Variants in GCKR observed in about 807,000 individuals in gnomAD.
GCKR encodes glucokinase regulator.
A neutral mutation model predicts 82.9 loss-of-function variants in GCKR; 73 were observed. The observed-to-expected ratio is 0.88, with a 90% CI of 0.73 to 1.07. GCKR has a LOEUF of 1.07. Among genes scored for constraint, GCKR ranks in the 50% least tolerant of loss-of-function variants. The pLI is 0.00. For missense variants in GCKR, 784 were observed against 782.1 expected, an observed-to-expected ratio of 1.00 and a Z score of -0.03; for synonymous variants, 294 against 291.8, an observed-to-expected ratio of 1.01 and a Z score of -0.08.
At chr2:27,514,867 C>T (rs1669967948) in intron 16 of GCKR, among the ~76,000 whole-genome samples, 2 of 152,206 alleles carry the variant, frequency 1.3e-5, no homozygotes, top group South Asian at 4.1e-4. Flanking sequence ...GAATGCTGCT[C>T]TCCTACAGCC....
At chr2:27,508,661 C>T (rs573415093) in intron 16 of GCKR, among the ~76,000 whole-genome samples, 15 of 152,214 alleles carry the variant, frequency 9.9e-5, no homozygotes, top group Middle Eastern at 3.4e-3. Flanking sequence ...TACAGGTGTG[C>T]ACCACCATGC....
At chr2:27,510,087 C>A (rs912945621) in intron 16 of GCKR, among the ~76,000 whole-genome samples, 2 of 151,940 alleles carry the variant, frequency 1.3e-5, no homozygotes, top group African/African-American at 4.8e-5. Flanking sequence ...CCGCTCACTG[C>A]AAGCTCTGTC....
chr2:27,499,475 G>A (rs1199530943), intron 7 of GCKR, 25 bp downstream of exon 7: 1 of 1,503,340 alleles, frequency 6.7e-7, no homozygotes, highest in Non-Finnish European at 9.3e-7. Context: ...GGGTTGAGTG[G>A]ATCAATTTTA....
intron 16 of GCKR, among the ~76,000 whole-genome samples, chr2:27,509,101 C>G (rs1456148076): frequency 6.6e-6 from 1 of 152,150 alleles, no homozygotes; most frequent in Admixed American, 6.5e-5. Flanking sequence ...AATTTTACAT[C>G]TCTGGTTCTC....
intron 17 of GCKR, among the ~76,000 whole-genome samples, chr2:27,521,704 A>G (rs1430024346): frequency 1.4e-4 from 21 of 151,250 alleles, no homozygotes; most frequent in Non-Finnish European, 1.8e-4. Flanking sequence ...TGTGGTTTGC[A>G]TTATATTTTT....
rs770841756 is a variant in GCKR at position 27,522,579 on chromosome 2, A to C, written c.1692A>C (p.Ala564=). ...CCATCTCCTGCCATGTCCAGGTTGC[A>C]CATGAGAAGGAACAGGTATCCTGCC... ...AAPISCHVQV[A]HEKEQVIPIA... is the part of the protein sequence containing the mutation. The change falls in exon 18 of 19, where the codon GCA becomes GCC. Residue 564 remains alanine, a synonymous_variant. Coordinates refer to ENST00000264717, the MANE Select transcript of GCKR (RefSeq NM_001486.4). The C allele has an allele frequency of 6.2e-7, 1 of 1,613,954 alleles. No homozygotes were observed. Among genetic ancestry groups the C allele is most frequent in the African/African-American group, 1.3e-5 (1 of 75,056 alleles).
chr2:27,497,455 C>T (rs1034468331), intron 2 of GCKR, 56 bp downstream of exon 2: 3 of 1,597,078 alleles, frequency 1.9e-6, no homozygotes, highest in Admixed American at 3.3e-5. Flanking sequence ...CCCAACCCCA[C>T]CTCTGCTCTC....
rs753280177 is a variant in GCKR at position 27,496,942 on chromosome 2, C to A, written c.38C>A (p.Thr13Asn). ...AAACGGTTTCAACATGTCATTGAGA[C>A]CCCGGAGCCTGGCAAGTGGGAGGTG... is the stretch of plus-strand genomic sequence containing the variant. Reference protein sequence around the residue: ...GTKRFQHVIETPEPGKWELSG... With the variant: ...GTKRFQHVIENPEPGKWELSG... The change falls in exon 1 of 19, where the codon ACC becomes AAC. Residue 13 changes from threonine to asparagine, a missense_variant. Physicochemically the swap from Thr to Asn is moderately conservative, Grantham distance 65. Transcript: ENST00000264717. 62 of 1,613,358 alleles carry A rather than the reference C, an allele frequency of 3.8e-5. No homozygotes were observed. The highest frequency in any genetic ancestry group is 5.0e-5 in the Non-Finnish European group (59 of 1,179,418).
intron 16 of GCKR, among the ~76,000 whole-genome samples, chr2:27,511,183 A>G (rs1189249973): frequency 1.3e-5 from 2 of 151,840 alleles, no homozygotes; most frequent in African/African-American, 2.4e-5. Flanking sequence ...ACACGCCTCT[A>G]TGCCCTGCTA....
At chr2:27,520,282 T>C (rs1670118830) in intron 17 of GCKR, among the ~76,000 whole-genome samples, 1 of 152,098 alleles carries the variant, frequency 6.6e-6, no homozygotes, top group South Asian at 2.1e-4. Context: ...GAATGCATTA[T>C]AGCAAAAAGA....
chr2:27,514,513 A>G (rs757591117), intron 16 of GCKR, among the ~76,000 whole-genome samples: 11 of 152,158 alleles, frequency 7.2e-5, no homozygotes, highest in Non-Finnish European at 1.3e-4. Context: ...AAGGCAGTCT[A>G]CTATACTCTT....
chr2:27,522,594 GGTATCCT>G lies in GCKR; in HGVS notation c.1707+2_1707+8del. On this transcript the variant is annotated splice_donor_variant and splice_donor_5th_base_variant and intron_variant, in intron 18 of 18. Coordinates refer to ENST00000264717, the MANE Select transcript of GCKR (RefSeq NM_001486.4). LOFTEE classifies it high-confidence loss of function. Reference sequence around the variant, plus strand: ...TCCAGGTTGCACATGAGAAGGAACAGGTATCCTGCCCACTGCTGGTCATTCAACAAAT... The same window carrying G: ...TCCAGGTTGCACATGAGAAGGAACAGGCCCACTGCTGGTCATTCAACAAAT... The G allele has an allele frequency of 6.2e-7, 1 of 1,612,568 alleles. No individual in the cohort carries two copies. The highest frequency in any genetic ancestry group is 8.5e-7 in the Non-Finnish European group (1 of 1,178,612).
At chr2:27,522,000 A>G (rs1181473064) in intron 17 of GCKR, among the ~76,000 whole-genome samples, 3 of 152,218 alleles carry the variant, frequency 2.0e-5, no homozygotes, top group Admixed American at 1.3e-4. Context: ...CTGGGATTAC[A>G]GGTGTGACCC....
rs1558441520 is a variant in GCKR, at chr2:27,515,767, T to TATA, written c.1423-3021_1423-3020insATA. On this transcript the variant is annotated intron_variant, in intron 16 of 18. Coordinates refer to ENST00000264717, the MANE Select transcript of GCKR (RefSeq NM_001486.4). ...TTCGTATATATATATATATATATAT[T>TATA]TTTTTTTTTTTTTTGAGACAGAATC... Among the ~76,000 whole-genome samples, 426 of 71,834 alleles carry TATA rather than the reference T, an allele frequency of 5.9e-3. 2 individuals are homozygous for TATA. Among genetic ancestry groups the TATA allele is most frequent in the African/African-American group, 0.022 (333 of 15,204 alleles). The allele number at this position is 71,834 out of a possible 152,430, so 47.1% of individuals were successfully genotyped here. A position where few individuals can be genotyped will look rare whatever the true frequency, so the allele number is the denominator to read the frequency against.
chr2:27,523,119 A>C, intron 18 of GCKR, 150 bp from the exon 19 acceptor site: 4 of 703,104 alleles, frequency 5.7e-6, no homozygotes, highest in Non-Finnish European at 1.0e-5. Flanking sequence ...GGCTTGTCTC[A>C]AACTCCTGAA....
At chr2:27,511,408 A>G (rs1392925269) in intron 16 of GCKR, among the ~76,000 whole-genome samples, 1 of 151,888 alleles carries the variant, frequency 6.6e-6, no homozygotes, top group Admixed American at 6.6e-5. Flanking sequence ...AGCTATAGAA[A>G]TATTTTTGAC....
intron 9 of GCKR, among the ~76,000 whole-genome samples, 171 bp downstream of exon 9, chr2:27,503,790 C>T (rs1345342857): frequency 1.3e-5 from 2 of 152,168 alleles, no homozygotes; most frequent in African/African-American, 4.8e-5. Context: ...TTTACATTTT[C>T]ACCTTAAGAT....
chr2:27,509,531 C>A (rs146426135), intron 16 of GCKR: 3 of 444,882 alleles, frequency 6.7e-6, no homozygotes, highest in Admixed American at 2.4e-5. Flanking sequence ...TTGTAGAGAT[C>A]GGGTTTCTCC....
intron 14 of GCKR, 38 bp downstream of exon 14, chr2:27,507,815 G>A: frequency 7.7e-7 from 1 of 1,301,932 alleles, no homozygotes; most frequent in Non-Finnish European, 1.1e-6. Context: ...GGTGGGGAGG[G>A]GGAAATAGAA....
Sources: gnomAD v4.1 joint callset for allele counts (sites outside exome capture counted in the v4.1 genomes callset) on GRCh38, gnomAD v4.1.1 for gene constraint, MANE v1.5 for transcripts, NCBI Gene and HGNC (gene_info 2026-07-23, HGNC 2026-07-21) for gene names.